Variants in TAF3 observed in about 807,000 individuals in gnomAD.
The protein encoded by TAF3 is transcription initiation factor TFIID subunit 3.
In TAF3, 7 loss-of-function variants were observed where a neutral mutation model predicts 80.6. The ratio of observed to expected loss-of-function variants is 0.09; its 90% CI spans 0.05 to 0.16. The LOEUF (loss-of-function observed/expected upper bound fraction) is 0.16, where lower values mean the gene tolerates loss of function less well. Among genes scored for constraint, TAF3 ranks in the 10% least tolerant of loss-of-function variants. TAF3 has a pLI of 1.00. For synonymous variants in TAF3, 444 were observed against 446.1 expected (o/e 1.00, Z 0.06); for missense variants, 921 against 1,140.2 (o/e 0.81, Z 2.77).
intron 2 of TAF3, among the ~76,000 whole-genome samples, chr10:7,828,184 G>A (rs949502552): frequency 6.6e-6 from 1 of 152,154 alleles, no homozygotes; most frequent in Non-Finnish European, 1.5e-5. Context: ...AGTGCGCAAT[G>A]ATTGAGCCTG....
chr10:7,949,277 A>G (rs961052624), intron 2 of TAF3, among the ~76,000 whole-genome samples: 1 of 152,250 alleles, frequency 6.6e-6, no homozygotes, highest in African/African-American at 2.4e-5. Flanking sequence ...ATAATAAAGC[A>G]CAGCCGGAAA....
chr10:8,014,760 G>A lies in TAF3; in HGVS notation c.*9G>A, dbSNP rs374351799. 129 of 1,575,600 alleles carry A rather than the reference G, an allele frequency of 8.2e-5. 1 individual carries two copies. The highest frequency in any genetic ancestry group is 7.5e-5 in the Non-Finnish European group (87 of 1,160,562). On this transcript the variant is annotated 3_prime_UTR_variant, in exon 7 of 7. Coordinates refer to ENST00000344293, the MANE Select transcript of TAF3 (RefSeq NM_031923.4). ...AGCATCGAGCCCACTGACGACTCCC[G>A]AGGGGCTGGACCAAGCGGGGTCAGC...
intron 2 of TAF3, among the ~76,000 whole-genome samples, chr10:7,830,006 G>A (rs1461839241): frequency 6.6e-6 from 1 of 152,072 alleles, no homozygotes; most frequent in African/African-American, 2.4e-5. Context: ...AAGTGAATTC[G>A]TTATGAAATG....
chr10:7,954,071 T>G (rs1009491884), intron 2 of TAF3, among the ~76,000 whole-genome samples: 1 of 136,260 alleles, frequency 7.3e-6, no homozygotes, highest in African/African-American at 2.7e-5. Context: ...GAATTAGTTC[T>G]AGTTAACATG....
At chr10:7,860,040 G>A (rs1242290256) in intron 2 of TAF3, among the ~76,000 whole-genome samples, 3 of 152,172 alleles carry the variant, frequency 2.0e-5, no homozygotes, top group Non-Finnish European at 4.4e-5. Context: ...GGAGGCCAAG[G>A]TGGGCAGATT....
intron 2 of TAF3, among the ~76,000 whole-genome samples, chr10:7,825,475 T>G (rs1836730555): frequency 6.6e-6 from 1 of 152,196 alleles, no homozygotes; most frequent in African/African-American, 2.4e-5. Flanking sequence ...ACTGTTCCCA[T>G]TAAACATAAC....
intron 2 of TAF3, among the ~76,000 whole-genome samples, chr10:7,898,025 AT>A (rs926493781): frequency 4.6e-5 from 7 of 151,462 alleles, no homozygotes; most frequent in African/African-American, 1.7e-4. Context: ...TAATATTCTT[AT>A]TTTTTTCTCT....
intron 2 of TAF3, among the ~76,000 whole-genome samples, chr10:7,944,536 C>G (rs1329999923): frequency 6.6e-6 from 1 of 152,144 alleles, no homozygotes. Flanking sequence ...AAGGACATAG[C>G]AGGTCTAACT....
At chr10:7,958,390 GATTAGC>G (rs1488455557) in intron 2 of TAF3, among the ~76,000 whole-genome samples, 1 of 151,954 alleles carries the variant, frequency 6.6e-6, no homozygotes, top group Non-Finnish European at 1.5e-5. Flanking sequence ...CAGGAGAATG[GATTAGC>G]TACCATTGGA....
intron 2 of TAF3, among the ~76,000 whole-genome samples, chr10:7,876,780 C>T (rs1470461408): frequency 6.6e-6 from 1 of 152,156 alleles, no homozygotes; most frequent in East Asian, 1.9e-4. Flanking sequence ...CTGTGCTTTA[C>T]ATTTTCTTCC....
intron 2 of TAF3, among the ~76,000 whole-genome samples, chr10:7,908,186 C>G (rs930745868): frequency 1.3e-5 from 2 of 152,248 alleles, no homozygotes; most frequent in East Asian, 3.9e-4. Flanking sequence ...AAACGAGTCA[C>G]AAACTCAGAT....
intron 2 of TAF3, among the ~76,000 whole-genome samples, chr10:7,836,071 G>A (rs544501637): frequency 3.3e-4 from 50 of 152,124 alleles, no homozygotes; most frequent in African/African-American, 1.0e-3. Flanking sequence ...TCTTGGGCAC[G>A]TCTTCCCTGG....
chr10:7,983,634 C>T (rs570916917), intron 4 of TAF3, among the ~76,000 whole-genome samples: 1 of 152,122 alleles, frequency 6.6e-6, no homozygotes, highest in Admixed American at 6.6e-5. Flanking sequence ...GATTAACTTG[C>T]TACAGAAACT....
rs892635170 is a variant in TAF3 at position 8,009,704 on chromosome 10, C to G, written c.2568+374C>G. Among the ~76,000 whole-genome samples the G allele has an allele frequency of 3.9e-5, 6 of 152,018 alleles. No individual in the cohort carries two copies. Among genetic ancestry groups the G allele is most frequent in the Non-Finnish European group, 8.8e-5 (6 of 67,990 alleles). On this transcript the variant is annotated intron_variant, in intron 5 of 6. Transcript: ENST00000344293. This position sits in a 1 kb window ranked among gnomAD's most constrained non-coding sequence, Gnocchi z 4.1. The stretch of plus-strand genomic sequence containing the variant: ...TGGTGAGATCTCAGCTCACTGCAAC[C>G]TCCACCTCCCAGGTTCAAGCGATTC...
chr10:7,957,122 G>A (rs12412852), intron 2 of TAF3, among the ~76,000 whole-genome samples: 6,602 of 152,144 alleles, frequency 0.043, 254 homozygotes, highest in Admixed American at 0.11. Flanking sequence ...TAGCACAAGC[G>A]GAAAAGGTGA....
At chr10:7,839,165 A>C (rs1444510307) in intron 2 of TAF3, among the ~76,000 whole-genome samples, 1 of 152,094 alleles carries the variant, frequency 6.6e-6, no homozygotes, top group Non-Finnish European at 1.5e-5. Context: ...TCCCAAAAAT[A>C]ACTATGTACC....
chr10:7,922,638 T>C (rs182065443), intron 2 of TAF3, among the ~76,000 whole-genome samples: 45 of 152,206 alleles, frequency 3.0e-4, no homozygotes, highest in Middle Eastern at 6.8e-3. Flanking sequence ...TACCCTGTCC[T>C]CATTTAAATA....
rs558027059 is a variant in TAF3 at position 7,855,979 on chromosome 10, C to G, written c.409+31419C>G. On this transcript the variant is annotated intron_variant, in intron 2 of 6. Coordinates refer to ENST00000344293, the MANE Select transcript of TAF3 (RefSeq NM_031923.4). ...AGCGTAATAGTTCTCTACTAGTATT[C>G]TAAGAGAGGACAAGAAAAGATAACC... 8.8e-4 allele frequency among the ~76,000 whole-genome samples: 133 copies of G among 151,072 alleles called. 2 individuals are homozygous for G. The highest frequency in any genetic ancestry group is 3.1e-3 in the African/African-American group (126 of 41,156).
intron 2 of TAF3, among the ~76,000 whole-genome samples, chr10:7,839,983 A>G (rs906333288): frequency 1.8e-4 from 28 of 152,354 alleles, no homozygotes; most frequent in Non-Finnish European, 3.2e-4. Context: ...CTGCCTTTCA[A>G]AAAGGTTTTT....
Sources: allele counts gnomAD v4.1 joint callset (sites outside exome capture counted in the v4.1 genomes callset), GRCh38; gene constraint gnomAD v4.1.1; non-coding constraint Gnocchi (gnomAD v3.1); transcripts MANE v1.5; gene names NCBI Gene and HGNC (gene_info 2026-07-23, HGNC 2026-07-21).